Variants in DOCK3 observed in about 807,000 individuals in gnomAD.
DOCK3 encodes dedicator of cytokinesis protein 3.
DOCK3 carries 60 observed loss-of-function variants against 265.6 expected under a neutral mutation model. The observed-to-expected ratio is 0.23, with a 90% CI of 0.18 to 0.28. The LOEUF (loss-of-function observed/expected upper bound fraction) is 0.28. Ranked by LOEUF, DOCK3 falls within the 10% of genes least tolerant of loss-of-function variation. The probability of loss-of-function intolerance (pLI) is 1.00; values close to 1 mark genes in which losing one functional copy is unlikely to be tolerated. For missense variants in DOCK3, 1,981 were observed against 2,594.3 expected (o/e 0.76, Z 5.14); for synonymous variants, 881 against 938.0 (o/e 0.94, Z 1.11).
chr3:51,277,805 T>C, intron 26 of DOCK3, 51 bp downstream of exon 26: 2 of 1,571,620 alleles, frequency 1.3e-6, no homozygotes, highest in South Asian at 1.2e-5. Context: ...ACCCGGGGCT[T>C]CTCCACAACA....
At chr3:50,787,231 G>A (rs2042230767) in intron 2 of DOCK3, 1 of 566,806 alleles carries the variant, frequency 1.8e-6, no homozygotes, top group Non-Finnish European at 3.3e-6. Context: ...ATATTCATTT[G>A]CTTCTCCAGA....
At chr3:50,809,788 T>C (rs763900424) in intron 2 of DOCK3, among the ~76,000 whole-genome samples, 1 of 152,080 alleles carries the variant, frequency 6.6e-6, no homozygotes, top group Non-Finnish European at 1.5e-5. Context: ...AAGCCAGATA[T>C]GAGAATTAGT....
chr3:51,330,928 G>A (rs959091081), intron 33 of DOCK3, among the ~76,000 whole-genome samples: 2 of 152,184 alleles, frequency 1.3e-5, no homozygotes, highest in African/African-American at 4.8e-5. Flanking sequence ...ACTTTGAGAT[G>A]TTCTTTGTTT....
chr3:50,911,812 T>C (rs1227292111), intron 4 of DOCK3, among the ~76,000 whole-genome samples: 4 of 152,122 alleles, frequency 2.6e-5, no homozygotes, highest in African/African-American at 7.3e-5. Flanking sequence ...ACATGGACTT[T>C]CTTTTCCTTT....
At chr3:50,899,788 A>C (rs13085320) in intron 4 of DOCK3, among the ~76,000 whole-genome samples, 14,353 of 152,140 alleles carry the variant, frequency 0.094, 841 homozygotes, top group Non-Finnish European at 0.12. Context: ...TTTCTTTAAG[A>C]ATGTTGAATA....
At chr3:50,757,991 C>A (rs957510367) in intron 1 of DOCK3, among the ~76,000 whole-genome samples, 2 of 151,538 alleles carry the variant, frequency 1.3e-5, no homozygotes, top group Non-Finnish European at 2.9e-5. Context: ...CTGGCTAACA[C>A]GGTGAAACCC....
chr3:50,934,311 A>C (rs1237523194), intron 5 of DOCK3, among the ~76,000 whole-genome samples: 2 of 152,158 alleles, frequency 1.3e-5, no homozygotes, highest in Non-Finnish European at 2.9e-5. Flanking sequence ...GTTACATAAC[A>C]CCAGGGATCT....
chr3:50,750,239 G>GAC (rs1553646723), intron 1 of DOCK3, among the ~76,000 whole-genome samples: 1 of 151,130 alleles, frequency 6.6e-6, no homozygotes, highest in Non-Finnish European at 1.5e-5. Flanking sequence ...TGGGTCCATG[G>GAC]AAAAATGTCT....
chr3:50,848,919 G>A (rs2046222236), intron 3 of DOCK3, among the ~76,000 whole-genome samples: 1 of 152,048 alleles, frequency 6.6e-6, no homozygotes, highest in African/African-American at 2.4e-5. Flanking sequence ...TTCTTTCTTA[G>A]GAATGCCAGT....
At chr3:50,924,068 A>T (rs2050639695) in intron 4 of DOCK3, among the ~76,000 whole-genome samples, 1 of 152,148 alleles carries the variant, frequency 6.6e-6, no homozygotes, top group Non-Finnish European at 1.5e-5. Flanking sequence ...GCCTCATGGG[A>T]ATCTCAGCTT....
At chr3:50,949,661 T>G (rs1429716634) in intron 5 of DOCK3, among the ~76,000 whole-genome samples, 4 of 152,182 alleles carry the variant, frequency 2.6e-5, no homozygotes, top group Admixed American at 2.6e-4. Context: ...CGATTTATCT[T>G]ATGGTTTGGG....
At chr3:51,205,172 A>T (rs2089108125) in intron 12 of DOCK3, among the ~76,000 whole-genome samples, 1 of 150,712 alleles carries the variant, frequency 6.6e-6, no homozygotes. Flanking sequence ...ATAATAATAA[A>T]AATAAATAAA....
chr3:50,867,410 G>GT (rs1157226127), intron 3 of DOCK3, among the ~76,000 whole-genome samples: 14 of 151,978 alleles, frequency 9.2e-5, no homozygotes, highest in East Asian at 1.9e-4. Context: ...GATTCTCTGT[G>GT]TTTTTTTCTG....
intron 1 of DOCK3, among the ~76,000 whole-genome samples, chr3:50,679,188 T>G (rs1330961075): frequency 6.6e-6 from 1 of 152,138 alleles, no homozygotes; most frequent in Non-Finnish European, 1.5e-5. Context: ...TGCCCAGGCT[T>G]GTCTCAAACT....
At chr3:51,181,358 A>G (rs898239671) in intron 12 of DOCK3, among the ~76,000 whole-genome samples, 2 of 135,736 alleles carry the variant, frequency 1.5e-5, no homozygotes, top group Admixed American at 8.5e-5. Context: ...TCATTGTTCA[A>G]TTCCCAGCTA....
At chr3:51,015,679 G>C (rs2079122840) in intron 5 of DOCK3, among the ~76,000 whole-genome samples, 1 of 133,026 alleles carries the variant, frequency 7.5e-6, no homozygotes, top group African/African-American at 2.8e-5. Flanking sequence ...TTGTTTTTTG[G>C]AATAGTTTGA....
intron 49 of DOCK3, among the ~76,000 whole-genome samples, chr3:51,367,397 A>G (rs2087279020): frequency 6.6e-6 from 1 of 151,910 alleles, no homozygotes; most frequent in African/African-American, 2.4e-5. Flanking sequence ...TGCATTTGAG[A>G]TGGGTCTCCT....
intron 19 of DOCK3, among the ~76,000 whole-genome samples, chr3:51,231,409 G>C (rs530585576): frequency 6.6e-6 from 1 of 152,144 alleles, no homozygotes; most frequent in South Asian, 2.1e-4. Flanking sequence ...GATTACAGAA[G>C]TGAGCCACCA....
chr3:51,242,252 C>T (rs562410921), intron 21 of DOCK3, among the ~76,000 whole-genome samples: 3 of 152,232 alleles, frequency 2.0e-5, no homozygotes, highest in East Asian at 3.9e-4. Context: ...GTATTGGGCC[C>T]CAGCTTTGTT....
Sources: allele counts gnomAD v4.1 joint callset (sites outside exome capture counted in the v4.1 genomes callset), GRCh38; gene constraint gnomAD v4.1.1; transcripts MANE v1.5; gene names NCBI Gene and HGNC (gene_info 2026-07-23, HGNC 2026-07-21).